LYPLAL1: variants seen among roughly 807,000 people sequenced by gnomAD.
LYPLAL1 encodes lysophospholipase-like protein 1.
LYPLAL1 carries 23 observed loss-of-function variants against 19.7 expected under a neutral mutation model. That is an observed-to-expected ratio of 1.17 (90% CI 0.84 to 1.65). LYPLAL1 has a LOEUF of 1.65. Among genes scored for constraint, LYPLAL1 ranks in the 40% most tolerant of loss-of-function variants. LYPLAL1 has a pLI of 0.00. For missense variants in LYPLAL1, 355 were observed against 279.4 expected (o/e 1.27, Z -1.93); for synonymous variants, 119 against 96.3 (o/e 1.24, Z -1.38).
At chr1:219,263,016 G>GGGAT in the LYPLAL1 span, among the ~76,000 whole-genome samples, 3 of 152,140 alleles carry the variant, frequency 2.0e-5, no homozygotes, top group African/African-American at 7.2e-5. Flanking sequence ...CAGTAGAAGG[G>GGGAT]GGATATAAGC....
chr1:219,210,480 TC>T, intron 3 of LYPLAL1, 51 bp from the exon 4 acceptor site: 1 of 1,155,512 alleles, frequency 8.7e-7, no homozygotes, highest in Non-Finnish European at 1.2e-6. Flanking sequence ...ATATATCATA[TC>T]CTAAATTATT....
chr1:219,221,385 A>T, the LYPLAL1 span, among the ~76,000 whole-genome samples: 2 of 152,154 alleles, frequency 1.3e-5, no homozygotes. Context: ...TAGCACCTAG[A>T]TGTCACCAAA....
At chr1:219,228,329 A>G in the LYPLAL1 span, among the ~76,000 whole-genome samples, 1 of 152,182 alleles carries the variant, frequency 6.6e-6, no homozygotes, top group Non-Finnish European at 1.5e-5. Context: ...TTCATGCAGC[A>G]CATGTCTTTA....
chr1:219,299,140 C>CTTTTTTTTTTTTTTTTTT, the LYPLAL1 span, among the ~76,000 whole-genome samples: 1 of 129,494 alleles, frequency 7.7e-6, no homozygotes. Context: ...CCTCCCCCAG[C>CTTTTTTTTTTTTTTTTTT]TTTTTTTTTT....
the LYPLAL1 span, among the ~76,000 whole-genome samples, chr1:219,316,596 G>T: frequency 7.2e-5 from 11 of 152,140 alleles, no homozygotes; most frequent in Non-Finnish European, 1.0e-4. Context: ...CGAGATGTTT[G>T]TCCATAGCAG....
chr1:219,229,622 G>C, the LYPLAL1 span, among the ~76,000 whole-genome samples: 59 of 152,314 alleles, frequency 3.9e-4, no homozygotes, highest in African/African-American at 1.4e-3. Flanking sequence ...CCTATAGATG[G>C]CAAAACTAAA....
the LYPLAL1 span, among the ~76,000 whole-genome samples, chr1:219,231,848 T>C: frequency 2.6e-5 from 4 of 152,330 alleles, no homozygotes; most frequent in South Asian, 6.2e-4. Context: ...GGGTAAAGGC[T>C]ATGTCAAATA....
chr1:219,224,255 A>G, the LYPLAL1 span, among the ~76,000 whole-genome samples: 1 of 152,088 alleles, frequency 6.6e-6, no homozygotes, highest in Non-Finnish European at 1.5e-5. Context: ...CAAATATATG[A>G]CTCTTTTAAA....
chr1:219,217,714 G>A (rs1659345137), downstream of LYPLAL1, among the ~76,000 whole-genome samples: 1 of 152,018 alleles, frequency 6.6e-6, no homozygotes. Context: ...GAACCCTGGA[G>A]TTTAAGGTTT....
chr1:219,180,384 G>A (rs895748294), intron 2 of LYPLAL1, among the ~76,000 whole-genome samples: 3 of 151,806 alleles, frequency 2.0e-5, no homozygotes, highest in African/African-American at 7.3e-5. Flanking sequence ...GAACTTCAAG[G>A]ACGTTTTTAT....
At chr1:219,176,854 A>G (rs1400874771) in intron 1 of LYPLAL1, among the ~76,000 whole-genome samples, 1 of 152,212 alleles carries the variant, frequency 6.6e-6, no homozygotes, top group Admixed American at 6.5e-5. Flanking sequence ...TTCAAGAAAT[A>G]TATCACAGCC....
chr1:219,330,602 G>A, the LYPLAL1 span, among the ~76,000 whole-genome samples: 1 of 152,146 alleles, frequency 6.6e-6, no homozygotes, highest in Non-Finnish European at 1.5e-5. Context: ...ACTAATGTCT[G>A]ATTCAATTGT....
At chr1:219,264,846 T>G in the LYPLAL1 span, among the ~76,000 whole-genome samples, 2 of 152,202 alleles carry the variant, frequency 1.3e-5, no homozygotes, top group South Asian at 4.1e-4. Context: ...AGGAAAAAGC[T>G]GGAAAATAAG....
At chr1:219,301,020 G>A in the LYPLAL1 span, among the ~76,000 whole-genome samples, 230 of 150,840 alleles carry the variant, frequency 1.5e-3, no homozygotes, top group Middle Eastern at 3.5e-3. Flanking sequence ...CCAGGAATTC[G>A]AGACCAGCCT....
the LYPLAL1 span, among the ~76,000 whole-genome samples, chr1:219,242,836 A>G: frequency 1.3e-5 from 2 of 152,194 alleles, no homozygotes; most frequent in African/African-American, 4.8e-5. Flanking sequence ...AGAATTTGGC[A>G]TAACAATTTT....
chr1:219,267,872 A>T, the LYPLAL1 span, among the ~76,000 whole-genome samples: 3 of 152,106 alleles, frequency 2.0e-5, no homozygotes, highest in Non-Finnish European at 4.4e-5. Context: ...GTCCCACCCT[A>T]TATCATTTAA....
the LYPLAL1 span, among the ~76,000 whole-genome samples, chr1:219,423,900 CAAAT>C: frequency 5.3e-5 from 8 of 151,806 alleles, no homozygotes; most frequent in African/African-American, 1.7e-4. Context: ...AAGTAGAAGA[CAAAT>C]AAATCTCATC....
chr1:219,403,084 C>A, the LYPLAL1 span, among the ~76,000 whole-genome samples: 1 of 152,124 alleles, frequency 6.6e-6, no homozygotes, highest in Non-Finnish European at 1.5e-5. Flanking sequence ...GGGCAGAAAC[C>A]AATTTCATGT....
chr1:219,341,592 A>T, the LYPLAL1 span, among the ~76,000 whole-genome samples: 1 of 152,206 alleles, frequency 6.6e-6, no homozygotes, highest in East Asian at 1.9e-4. Context: ...TGCATTTATT[A>T]TACTTCTCTG....
Sources: gnomAD v4.1 joint callset for allele counts (sites outside exome capture counted in the v4.1 genomes callset) on GRCh38, gnomAD v4.1.1 for gene constraint, MANE v1.5 for transcripts, NCBI Gene and HGNC (gene_info 2026-07-23, HGNC 2026-07-21) for gene names.